Variants in KCNQ4 observed in about 807,000 individuals in gnomAD.
The protein encoded by KCNQ4 is potassium voltage-gated channel subfamily KQT member 4.
KCNQ4 carries 31 observed loss-of-function variants against 72.6 expected under a neutral mutation model. The observed-to-expected ratio is 0.43, with a 90% confidence interval of 0.32 to 0.58. KCNQ4 has a LOEUF of 0.58. Among genes scored for constraint, KCNQ4 ranks in the 20% least tolerant of loss-of-function variants. The pLI, the probability that KCNQ4 is intolerant of heterozygous loss-of-function variation, is 0.08. For synonymous variants in KCNQ4, 405 were observed against 403.7 expected (o/e 1.00, Z -0.04); for missense variants, 869 against 962.6 (o/e 0.90, Z 1.29).
At chr1:40,816,140 C>T (rs1243611127) in intron 1 of KCNQ4, among the ~76,000 whole-genome samples, 5 of 152,114 alleles carry the variant, frequency 3.3e-5, no homozygotes, top group Admixed American at 3.3e-4. Context: ...ACCGTGCCAG[C>T]AACGGTGCAG....
intron 10 of KCNQ4, among the ~76,000 whole-genome samples, chr1:40,832,283 C>G (rs1038765568): frequency 2.6e-5 from 4 of 152,206 alleles, no homozygotes; most frequent in African/African-American, 9.6e-5. Flanking sequence ...CCCAGCCATG[C>G]TGTTTCTGCC....
intron 1 of KCNQ4, among the ~76,000 whole-genome samples, chr1:40,804,185 C>T (rs1257565325): frequency 1.3e-5 from 2 of 152,248 alleles, no homozygotes; most frequent in African/African-American, 4.8e-5. Context: ...CTTGAACCCA[C>T]TGCCACAAAG....
Position 40,784,849 on chromosome 1 carries a change from G to A in KCNQ4, c.314+442G>A, listed in dbSNP as rs1647187089. 6.6e-6 allele frequency among the ~76,000 whole-genome samples: 1 copy of A among 152,158 alleles called. No individual in the cohort carries two copies. Among genetic ancestry groups the A allele is most frequent in the Admixed American group, 6.5e-5 (1 of 15,284 alleles). ...CTTCTGTCACCTGCTCCCCAGCTCT[G>A]AGCTATGAAGGGCTCCCCTCAGGGG... On this transcript the variant is annotated intron_variant, in intron 1 of 13. Coordinates refer to ENST00000347132, the MANE Select transcript of KCNQ4 (RefSeq NM_004700.4). The surrounding 1 kb of genome is among the most constrained non-coding windows in gnomAD (Gnocchi z 4.1).
chr1:40,824,359 G>C, intron 9 of KCNQ4, 101 bp downstream of exon 9: 1 of 1,326,742 alleles, frequency 7.5e-7, no homozygotes, highest in Non-Finnish European at 1.0e-6. Context: ...CACTTCGTGG[G>C]TGTCTGGGCC....
chr1:40,823,479 C>A (rs1648370331), intron 8 of KCNQ4, among the ~76,000 whole-genome samples: 1 of 152,120 alleles, frequency 6.6e-6, no homozygotes, highest in South Asian at 2.1e-4. Flanking sequence ...AGGAACAGAG[C>A]CTAGTCTGGA....
rs770661975 is a variant in KCNQ4 at position 40,788,733 on chromosome 1, G to C, written c.314+4326G>C. Among the ~76,000 whole-genome samples, 1 of 152,112 alleles carries C rather than the reference G, an allele frequency of 6.6e-6. No homozygotes were observed. The highest frequency in any genetic ancestry group is 1.5e-5 in the Non-Finnish European group (1 of 68,026). On this transcript the variant is annotated intron_variant, in intron 1 of 13. Coordinates refer to ENST00000347132, the MANE Select transcript of KCNQ4 (RefSeq NM_004700.4). The surrounding 1 kb of genome is among the most constrained non-coding windows in gnomAD (Gnocchi z 4.5). ...ATCTGTCCGTCCATCCCAGCACCCC[G>C]CACACAGTCAGCAGGGGGTGGGCAG... is the stretch of plus-strand genomic sequence containing the variant.
chr1:40,838,187 T>G, intron 13 of KCNQ4, 124 bp from the exon 14 acceptor site: 1 of 840,948 alleles, frequency 1.2e-6, no homozygotes, highest in South Asian at 1.4e-5. Flanking sequence ...CAGGCGGGAT[T>G]TGTGCTTCCC....
At position 40,811,825 on chromosome 1, in the gene KCNQ4, C is replaced by T. The variant is rs530304789; in HGVS notation, c.315-5440C>T. Among the ~76,000 whole-genome samples the T allele has an allele frequency of 7.1e-4, 108 of 152,308 alleles. 1 individual carries two copies. Among genetic ancestry groups the T allele is most frequent in the African/African-American group, 2.4e-3 (98 of 41,552 alleles). On this transcript the variant is annotated intron_variant, in intron 1 of 13. Transcript: ENST00000347132. ...GGGCAAAGATGTCCTAGAAAGTGGC[C>T]GCTAGTCTGGCCTGTCTGCTGGGGA...
intron 3 of KCNQ4, 75 bp downstream of exon 3, chr1:40,818,365 C>T (rs1161341547): frequency 1.9e-6 from 3 of 1,602,208 alleles, no homozygotes; most frequent in Non-Finnish European, 1.7e-6. Context: ...CCAATCCCGA[C>T]TCTGACCCTG....
At chr1:40,793,147 C>T (rs547974733) in intron 1 of KCNQ4, among the ~76,000 whole-genome samples, 30 of 151,690 alleles carry the variant, frequency 2.0e-4, no homozygotes, top group African/African-American at 3.9e-4. Context: ...GGACTACAGG[C>T]GCACACCAAG....
chr1:40,823,607 C>T (rs1440084953), intron 8 of KCNQ4, among the ~76,000 whole-genome samples: 1 of 152,152 alleles, frequency 6.6e-6, no homozygotes, highest in African/African-American at 2.4e-5. Flanking sequence ...AGAAAATGGC[C>T]TGGAGAGTTA....
chr1:40,802,731 G>T (rs564260750), intron 1 of KCNQ4, among the ~76,000 whole-genome samples: 49 of 152,318 alleles, frequency 3.2e-4, no homozygotes, highest in African/African-American at 1.2e-3. Context: ...GTCGCGCAGG[G>T]TGTCTGCTTC....
At position 40,819,434 on chromosome 1, in the gene KCNQ4, G is replaced by A; in HGVS notation, c.796G>A (p.Asp266Asn). Reference protein sequence around the residue: ...VYLAEKDANSDFSSYADSLWW... With the variant: ...VYLAEKDANSNFSSYADSLWW... The stretch of plus-strand genomic sequence containing the variant: ...CCTGGCTGAGAAGGACGCCAACTCC[G>A]ACTTCTCCTCCTACGCCGACTCGCT... The change falls in exon 5 of 14, where the codon GAC (aspartate) becomes AAC (asparagine). Residue 266 changes from aspartate (D) to asparagine (N), a missense_variant. By Grantham distance (23) the Asp-to-Asn change is conservative. Transcript: ENST00000347132. 1 of 1,613,862 alleles carries A rather than the reference G, an allele frequency of 6.2e-7. No homozygotes were observed. Among genetic ancestry groups the A allele is most frequent in the Non-Finnish European group, 8.5e-7 (1 of 1,179,944 alleles).
Position 40,784,307 on chromosome 1 carries a change from C to A in KCNQ4, c.214C>A (p.Arg72Ser), listed in dbSNP as rs778559114. 3.1e-6 allele frequency: 5 copies of A among 1,600,518 alleles called. No individual in the cohort carries two copies. Among genetic ancestry groups the A allele is most frequent in the African/African-American group, 1.3e-5 (1 of 74,310 alleles). ...CGGCTCGGGCTCCGCCTGCGGCCAGCGCTCCTCGGCCGCGCACAAGCGCTA... is the reference window on the plus strand; with the variant it reads ...CGGCTCGGGCTCCGCCTGCGGCCAGAGCTCCTCGGCCGCGCACAAGCGCTA... ...GSGSGSACGQ[R>S]SSAAHKRYRR... The change falls in exon 1 of 14, where the codon CGC becomes AGC. Residue 72 changes from arginine to serine, a missense_variant. This residue lies in a region of KCNQ4 where 178 missense variants were observed against 145.3 expected (regional missense o/e 1.22). Transcript: ENST00000347132. The surrounding 1 kb of genome is among the most constrained non-coding windows in gnomAD (Gnocchi z 4.1).
intron 1 of KCNQ4, among the ~76,000 whole-genome samples, chr1:40,810,080 A>C (rs972185233): frequency 1.2e-4 from 18 of 151,452 alleles, no homozygotes; most frequent in Non-Finnish European, 2.2e-4. Context: ...AGAACTCTAC[A>C]ATGACTCCCC....
chr1:40,809,266 A>T (rs1265410175), intron 1 of KCNQ4, among the ~76,000 whole-genome samples: 1 of 151,858 alleles, frequency 6.6e-6, no homozygotes, highest in East Asian at 1.9e-4. Flanking sequence ...TCCTCCTCTA[A>T]CTTTGCTACA....
chr1:40,799,005 C>T (rs2148301481), intron 1 of KCNQ4, among the ~76,000 whole-genome samples: 1 of 152,372 alleles, frequency 6.6e-6, no homozygotes, highest in South Asian at 2.1e-4. Flanking sequence ...TGGGCCCTGG[C>T]TGGGGAGAGG....
intron 9 of KCNQ4, chr1:40,826,639 C>T (rs1245866810): frequency 2.2e-6 from 1 of 455,822 alleles, no homozygotes; most frequent in Non-Finnish European, 4.4e-6. Flanking sequence ...AACTTCCAGC[C>T]AGATGTTTAA....
intron 11 of KCNQ4, among the ~76,000 whole-genome samples, chr1:40,833,746 C>T (rs1008151081): frequency 2.7e-5 from 4 of 150,426 alleles, no homozygotes; most frequent in African/African-American, 4.9e-5. Flanking sequence ...CCTGTAATCC[C>T]ACCACTTTGG....
Sources: allele counts gnomAD v4.1 joint callset (sites outside exome capture counted in the v4.1 genomes callset), GRCh38; gene constraint gnomAD v4.1.1; regional missense constraint gnomAD v4.1.1; non-coding constraint Gnocchi (gnomAD v3.1); transcripts MANE v1.5; gene names NCBI Gene and HGNC (gene_info 2026-07-23, HGNC 2026-07-21).